ZFAT: variants seen among roughly 807,000 people sequenced by gnomAD.
ZFAT encodes the protein zinc finger protein ZFAT.
Under a neutral mutation model 117.7 loss-of-function variants are expected in ZFAT, and 64 were observed. That is an observed-to-expected ratio of 0.54 (90% CI 0.44 to 0.67). The LOEUF is 0.67. Ranked by LOEUF, ZFAT falls within the 30% of genes least tolerant of loss-of-function variation. The probability of loss-of-function intolerance (pLI) is 0.00; values close to 1 mark genes in which losing one functional copy is unlikely to be tolerated. For synonymous variants in ZFAT, 679 were observed against 615.0 expected (o/e 1.10, Z -1.54); for missense variants, 1,433 against 1,584.5 (o/e 0.90, Z 1.62).
At chr8:134,557,185 T>C (rs975202224) in intron 11 of ZFAT, among the ~76,000 whole-genome samples, 68 of 152,214 alleles carry the variant, frequency 4.5e-4, no homozygotes, top group African/African-American at 1.2e-3. Flanking sequence ...TAAGTTAAGG[T>C]CTACAGCAAC....
intron 11 of ZFAT, among the ~76,000 whole-genome samples, chr8:134,561,278 T>C (rs936915123): frequency 6.6e-6 from 1 of 152,228 alleles, no homozygotes; most frequent in African/African-American, 2.4e-5. Context: ...AAAATGCTGA[T>C]TTAAAAGGCA....
At chr8:134,810,787 G>A in the ZFAT span, among the ~76,000 whole-genome samples, 1 of 152,214 alleles carries the variant, frequency 6.6e-6, no homozygotes, top group South Asian at 2.1e-4. Flanking sequence ...ATGTGCAGAT[G>A]TTAAAAGCAT....
At chr8:134,774,803 C>A in the ZFAT span, among the ~76,000 whole-genome samples, 1 of 152,086 alleles carries the variant, frequency 6.6e-6, no homozygotes, top group Non-Finnish European at 1.5e-5. Flanking sequence ...TGCTGCTAAA[C>A]CCTTCCAATG....
At chr8:134,590,581 C>A (rs28537304) in intron 7 of ZFAT, among the ~76,000 whole-genome samples, 8 of 151,392 alleles carry the variant, frequency 5.3e-5, no homozygotes, top group Admixed American at 5.3e-4. Flanking sequence ...ACCATCATCA[C>A]CATCATCATC....
intron 13 of ZFAT, among the ~76,000 whole-genome samples, chr8:134,515,899 A>T (rs2130427732): frequency 6.6e-6 from 1 of 152,336 alleles, no homozygotes; most frequent in African/African-American, 2.4e-5. Flanking sequence ...TCATCCAAAA[A>T]AGAACTACAA....
chr8:134,759,496 T>G, the ZFAT span, among the ~76,000 whole-genome samples: 1 of 152,286 alleles, frequency 6.6e-6, no homozygotes, highest in African/African-American at 2.4e-5. Context: ...AATTCAATAT[T>G]GATAGTTTAT....
chr8:134,548,599 A>C (rs1822879116), intron 11 of ZFAT, among the ~76,000 whole-genome samples: 1 of 152,182 alleles, frequency 6.6e-6, no homozygotes, highest in Non-Finnish European at 1.5e-5. Context: ...TTCTCTGATA[A>C]CCAGTGTTTC....
chr8:134,668,708 A>C (rs1266142805), intron 1 of ZFAT, among the ~76,000 whole-genome samples: 2 of 152,254 alleles, frequency 1.3e-5, no homozygotes, highest in Non-Finnish European at 2.9e-5. Context: ...CTCCCCCTTC[A>C]AAGGAACACA....
intron 3 of ZFAT, among the ~76,000 whole-genome samples, chr8:134,624,180 G>GCACACACACACA (rs57195425): frequency 4.9e-4 from 71 of 146,292 alleles, no homozygotes; most frequent in African/African-American, 1.7e-3. Flanking sequence ...ATGTGCACAT[G>GCACACACACACA]CACACACACA....
chr8:134,512,467 G>T lies in ZFAT; in HGVS notation c.3361+8C>A. 6.2e-7 allele frequency: 1 copy of T among 1,613,052 alleles called. No individual in the cohort carries two copies. The highest frequency in any genetic ancestry group is 8.5e-7 in the Non-Finnish European group (1 of 1,179,510). On this transcript the variant is annotated splice_region_variant and intron_variant, in intron 14 of 15. Coordinates refer to ENST00000377838, the MANE Select transcript of ZFAT (RefSeq NM_020863.4). ...CTGAGATGGCAAAGGAAGACCAGGC[G>T]TCCTCACCACTCTCAGAGGTGTATC...
chr8:134,568,932 C>T (rs1485803564), intron 10 of ZFAT, among the ~76,000 whole-genome samples: 3 of 152,156 alleles, frequency 2.0e-5, no homozygotes, highest in Admixed American at 2.0e-4. Context: ...AACTGCAAAA[C>T]CTAGTATTTA....
intron 11 of ZFAT, among the ~76,000 whole-genome samples, chr8:134,549,103 G>A (rs1291688856): frequency 1.3e-5 from 2 of 152,180 alleles, no homozygotes; most frequent in Non-Finnish European, 2.9e-5. Flanking sequence ...CTTCCAGAAT[G>A]TTCTGGATGA....
At chr8:134,808,548 A>G in the ZFAT span, among the ~76,000 whole-genome samples, 1 of 152,232 alleles carries the variant, frequency 6.6e-6, no homozygotes, top group Admixed American at 6.5e-5. Context: ...TGAAGTCTGT[A>G]AGATCGTAGC....
intron 1 of ZFAT, among the ~76,000 whole-genome samples, chr8:134,661,501 C>G (rs1045860586): frequency 6.6e-6 from 1 of 152,198 alleles, no homozygotes; most frequent in African/African-American, 2.4e-5. Flanking sequence ...ACATGGCTCC[C>G]CCTAGAATGT....
chr8:134,712,824 C>CGG, intron 1 of ZFAT, 21 bp downstream of exon 1: 1 of 1,451,400 alleles, frequency 6.9e-7, no homozygotes, highest in Non-Finnish European at 9.2e-7. Context: ...CCGTCTCACC[C>CGG]CAACCCCCAG....
At chr8:134,616,435 G>C (rs1053258423) in intron 3 of ZFAT, among the ~76,000 whole-genome samples, 1 of 152,142 alleles carries the variant, frequency 6.6e-6, no homozygotes, top group Non-Finnish European at 1.5e-5. Flanking sequence ...TCAAAGTTGC[G>C]TTTTGTCCCC....
At chr8:134,766,315 A>G in the ZFAT span, 1 of 152,254 alleles carries the variant, frequency 6.6e-6, no homozygotes, top group Admixed American at 6.5e-5. Context: ...GTGAACTGAC[A>G]TGAGCTCCTA....
the ZFAT span, among the ~76,000 whole-genome samples, chr8:134,805,961 A>G: frequency 6.6e-6 from 1 of 152,188 alleles, no homozygotes; most frequent in Non-Finnish European, 1.5e-5. Context: ...TGGGCGACAG[A>G]GTGAGACCCT....
chr8:134,780,335 A>G, the ZFAT span, among the ~76,000 whole-genome samples: 1 of 152,220 alleles, frequency 6.6e-6, no homozygotes, highest in African/African-American at 2.4e-5. Context: ...CAGGTAACTC[A>G]GTAAATGGTA....
Sources: gnomAD v4.1 joint callset for allele counts (sites outside exome capture counted in the v4.1 genomes callset) on GRCh38, gnomAD v4.1.1 for gene constraint, MANE v1.5 for transcripts, NCBI Gene and HGNC (gene_info 2026-07-23, HGNC 2026-07-21) for gene names.